The following KDM4B variants were observed in gnomAD, a reference collection of about 807,000 sequenced individuals.
KDM4B encodes the protein lysine demethylase 4B, also known as lysine-specific demethylase 4B.
In KDM4B, 32 loss-of-function variants were observed where a neutral mutation model predicts 125.2. The ratio of observed to expected loss-of-function variants is 0.26; its 90% confidence interval spans 0.19 to 0.34. KDM4B has a LOEUF of 0.34. Among genes scored for constraint, KDM4B ranks in the 10% least tolerant of loss-of-function variants. KDM4B has a pLI of 1.00. For missense variants in KDM4B, 1,190 were observed against 1,577.7 expected (o/e 0.75, Z 4.16); for synonymous variants, 721 against 677.9 (o/e 1.06, Z -0.99).
chr19:5,129,110 CGTGT>C (rs2039500541), intron 11 of KDM4B, among the ~76,000 whole-genome samples: 1 of 152,136 alleles, frequency 6.6e-6, no homozygotes, highest in African/African-American at 2.4e-5. Flanking sequence ...AACAGGTGGG[CGTGT>C]GCCTGCCAAG....
intron 9 of KDM4B, among the ~76,000 whole-genome samples, chr19:5,094,674 G>A (rs1036445493): frequency 5.9e-5 from 9 of 152,188 alleles, no homozygotes; most frequent in Admixed American, 4.6e-4. Context: ...GTAGGTGTGC[G>A]GTGGTGCTGG....
chr19:4,989,123 A>AG (rs2145366862), intron 1 of KDM4B, among the ~76,000 whole-genome samples: 1 of 152,306 alleles, frequency 6.6e-6, no homozygotes, highest in East Asian at 1.9e-4. Context: ...CTGTCTGGAC[A>AG]GTGCTGAAGT....
chr19:4,975,365 C>T (rs2034409531), intron 1 of KDM4B, among the ~76,000 whole-genome samples: 1 of 151,504 alleles, frequency 6.6e-6, no homozygotes, highest in African/African-American at 2.4e-5. Context: ...TTTTTTTTTC[C>T]TCCAACGACT....
At chr19:5,095,913 G>C (rs1199846278) in intron 9 of KDM4B, among the ~76,000 whole-genome samples, 2 of 152,210 alleles carry the variant, frequency 1.3e-5, no homozygotes, top group African/African-American at 4.8e-5. Context: ...CCAGTCTATA[G>C]AGTGGGTGCT....
In KDM4B at chr19:5,071,078, G is replaced by T; in HGVS notation, c.676+19G>T. On this transcript the variant is annotated intron_variant, in intron 7 of 22. Coordinates refer to ENST00000159111, the MANE Select transcript of KDM4B (RefSeq NM_015015.3). ...GCCATCGGTAGGTGCCTGCCCTGAG[G>T]GCCCCAGGGACCTGGGACCAGGTGG... 1.2e-6 allele frequency: 2 copies of T among 1,611,604 alleles called. No homozygotes were observed. Among genetic ancestry groups the T allele is most frequent in the Non-Finnish European group, 1.7e-6 (2 of 1,179,056 alleles).
At chr19:5,117,522 G>A (rs1354657887) in intron 10 of KDM4B, among the ~76,000 whole-genome samples, 1 of 152,132 alleles carries the variant, frequency 6.6e-6, no homozygotes, top group African/African-American at 2.4e-5. Context: ...TGACAGTGGT[G>A]ACAAGAGCCA....
In KDM4B at chr19:5,131,914, A is replaced by G. The variant is rs369076021; in HGVS notation, c.1813A>G (p.Met605Val). 1.2e-6 allele frequency: 2 copies of G among 1,612,574 alleles called. No homozygotes were observed. The highest frequency in any genetic ancestry group is 2.7e-5 in the African/African-American group (2 of 74,844). ...ACCGTCCACATTTTCCAAATTGAAG[A>G]TGGAGATCAAGAAGAGCCGGCGCCA... is the stretch of plus-strand genomic sequence containing the variant. Reference protein sequence around the residue: ...QAPSTFSKLKMEIKKSRRHPL... With the variant: ...QAPSTFSKLKVEIKKSRRHPL... The change falls in exon 13 of 23, where the codon ATG (methionine) becomes GTG (valine). Residue 605 changes from methionine to valine, a missense_variant. By Grantham distance (21) the Met-to-Val change is conservative. This residue lies in a region of KDM4B where 428 missense variants were observed against 405.1 expected (regional missense o/e 1.06). Transcript: ENST00000159111.
chr19:5,033,882 G>A (rs1336368065), intron 3 of KDM4B, among the ~76,000 whole-genome samples: 2 of 152,208 alleles, frequency 1.3e-5, no homozygotes, highest in Non-Finnish European at 2.9e-5. Flanking sequence ...TGTAATCCCA[G>A]CATTTTGGGA....
At chr19:5,097,044 G>A (rs569860004) in intron 9 of KDM4B, among the ~76,000 whole-genome samples, 9 of 152,276 alleles carry the variant, frequency 5.9e-5, no homozygotes, top group South Asian at 2.1e-4. Context: ...TCAGCAGGGC[G>A]GGGAGAAAAG....
chr19:5,064,574 T>C (rs147675102), intron 6 of KDM4B, among the ~76,000 whole-genome samples: 1 of 152,130 alleles, frequency 6.6e-6, no homozygotes, highest in Admixed American at 6.5e-5. Context: ...CAAGTGCCAC[T>C]GTCACCTGGG....
At chr19:5,046,415 G>T (rs2145699575) in intron 5 of KDM4B, among the ~76,000 whole-genome samples, 1 of 152,332 alleles carries the variant, frequency 6.6e-6, no homozygotes, top group Non-Finnish European at 1.5e-5. Context: ...CCTCTTCTGG[G>T]CTCCTGCCAG....
intron 15 of KDM4B, among the ~76,000 whole-genome samples, chr19:5,136,348 CG>C (rs886521733): frequency 2.0e-5 from 3 of 152,108 alleles, no homozygotes; most frequent in Non-Finnish European, 2.9e-5. Context: ...TTCCCACGCA[CG>C]GGGGGGCGGT....
At chr19:4,994,634 C>T (rs1343219914) in intron 1 of KDM4B, among the ~76,000 whole-genome samples, 1 of 141,392 alleles carries the variant, frequency 7.1e-6, no homozygotes, top group African/African-American at 2.6e-5. Flanking sequence ...ATAGTTGGAT[C>T]TTGTTTTTTA....
chr19:4,999,015 C>G (rs951695238), intron 1 of KDM4B, among the ~76,000 whole-genome samples: 2 of 152,154 alleles, frequency 1.3e-5, no homozygotes, highest in Non-Finnish European at 2.9e-5. Context: ...CCTAACATTA[C>G]TATTGTACCA....
intron 1 of KDM4B, among the ~76,000 whole-genome samples, chr19:4,983,987 G>A (rs1432138476): frequency 2.0e-5 from 3 of 152,206 alleles, no homozygotes; most frequent in Admixed American, 6.5e-5. Context: ...AAAGCCCTTG[G>A]TGAAGTAGTT....
At position 5,076,682 on chromosome 19, in the gene KDM4B, G is replaced by A. The variant is rs1055163933; in HGVS notation, c.677-685G>A. 1.2e-3 allele frequency: 176 copies of A among 152,680 alleles called. 1 individual carries two copies. The highest frequency in any genetic ancestry group is 3.9e-3 in the African/African-American group (146 of 37,042). 9.5% of individuals were successfully genotyped at this position (152,680 alleles called of 1,614,324 possible). On this transcript the variant is annotated intron_variant, in intron 7 of 22. Coordinates refer to ENST00000159111, the MANE Select transcript of KDM4B (RefSeq NM_015015.3). ...TGAGTGATGAGAGCGGCCACACTGC[G>A]TCCTTTCCCCAGGGTTGTGCTCTCT... is the stretch of plus-strand genomic sequence containing the variant.
chr19:5,007,158 G>A (rs2035586675), intron 1 of KDM4B, among the ~76,000 whole-genome samples: 1 of 152,342 alleles, frequency 6.6e-6, no homozygotes, highest in Non-Finnish European at 1.5e-5. Context: ...CCATTTGAGA[G>A]TTGGGGAACG....
intron 9 of KDM4B, among the ~76,000 whole-genome samples, chr19:5,086,492 G>C (rs1185824133): frequency 6.6e-6 from 1 of 152,232 alleles, no homozygotes; most frequent in Non-Finnish European, 1.5e-5. Flanking sequence ...CCACACTCTG[G>C]CATGGAGGTG....
chr19:5,086,178 C>G (rs1023881844), intron 9 of KDM4B, among the ~76,000 whole-genome samples: 41 of 152,126 alleles, frequency 2.7e-4, no homozygotes, highest in Non-Finnish European at 4.7e-4. Flanking sequence ...CTTCCTTGAC[C>G]GCTAGGGACC....
Sources: allele counts gnomAD v4.1 joint callset (sites outside exome capture counted in the v4.1 genomes callset), GRCh38; gene constraint gnomAD v4.1.1; regional missense constraint gnomAD v4.1.1; transcripts MANE v1.5; gene names NCBI Gene and HGNC (gene_info 2026-07-23, HGNC 2026-07-21).